ATP6V1C2: variants seen among roughly 807,000 people sequenced by gnomAD.
The protein encoded by ATP6V1C2 is ATPase H+ transporting V1 subunit C2, also known as V-type proton ATPase subunit C 2.
Under a neutral mutation model 56.8 loss-of-function variants are expected in ATP6V1C2, and 45 were observed. The observed-to-expected ratio is 0.79, with a 90% CI of 0.62 to 1.02. The LOEUF (loss-of-function observed/expected upper bound fraction) is 1.02. ATP6V1C2 is among the 50% of genes least tolerant of loss of function. The pLI is 0.00. For synonymous variants in ATP6V1C2, 220 were observed against 201.3 expected, an observed-to-expected ratio of 1.09 and a Z score of -0.79; for missense variants, 463 against 519.7, an observed-to-expected ratio of 0.89 and a Z score of 1.06.
At position 10,726,702 on chromosome 2, in the gene ATP6V1C2, G is replaced by A. The variant is rs117482977; in HGVS notation, c.197+133G>A. On this transcript the variant is annotated intron_variant, in intron 3 of 13. Coordinates refer to ENST00000272238, the MANE Select transcript of ATP6V1C2 (RefSeq NM_001039362.2). ...GTTCCAAAAGTGAGCAGAGAAAACCGATCAGTCCCCCTGCGGGTGCTGGGT... is the reference window on the plus strand; with the variant it reads ...GTTCCAAAAGTGAGCAGAGAAAACCAATCAGTCCCCCTGCGGGTGCTGGGT... 9.4e-4 allele frequency: 747 copies of A among 791,804 alleles called. 11 individuals are homozygous for A. The East Asian group carries it at 0.019, about 20-fold the overall frequency. 49.0% of individuals were successfully genotyped at this position (791,804 alleles called of 1,614,324 possible).
At chr2:10,735,009 C>T (rs926946981) in intron 3 of ATP6V1C2, among the ~76,000 whole-genome samples, 1 of 151,782 alleles carries the variant, frequency 6.6e-6, no homozygotes, top group Admixed American at 6.6e-5. Flanking sequence ...ACCCTGAGCC[C>T]GAGTGGTTGA....
intron 4 of ATP6V1C2, among the ~76,000 whole-genome samples, chr2:10,761,755 C>T (rs1304834717): frequency 1.3e-5 from 2 of 152,228 alleles, no homozygotes; most frequent in Non-Finnish European, 2.9e-5. Flanking sequence ...GCTGTCCCTT[C>T]TTATATGGCC....
upstream of ATP6V1C2, among the ~76,000 whole-genome samples, chr2:10,721,401 C>G (rs1410567376): frequency 3.3e-5 from 5 of 152,216 alleles, no homozygotes; most frequent in Non-Finnish European, 1.5e-5. Flanking sequence ...CAGGAGACCC[C>G]GTGGGACGCG....
intron 5 of ATP6V1C2, among the ~76,000 whole-genome samples, chr2:10,766,119 TG>T (rs1208894252): frequency 6.6e-6 from 1 of 152,154 alleles, no homozygotes; most frequent in Non-Finnish European, 1.5e-5. Flanking sequence ...ATGCAGGTCT[TG>T]GGGACCAGAG....
chr2:10,751,231 T>G (rs1663195782), intron 3 of ATP6V1C2, among the ~76,000 whole-genome samples: 1 of 151,900 alleles, frequency 6.6e-6, no homozygotes, highest in African/African-American at 2.4e-5. Context: ...GGAACCAGAC[T>G]CTCCCTCCTT....
At chr2:10,735,726 G>T (rs1345007981) in intron 3 of ATP6V1C2, among the ~76,000 whole-genome samples, 2 of 148,970 alleles carry the variant, frequency 1.3e-5, no homozygotes, top group Non-Finnish European at 2.9e-5. Flanking sequence ...ACAGGAGTGT[G>T]CCACTATGCC....
chr2:10,728,881 A>G (rs117143099), intron 3 of ATP6V1C2, among the ~76,000 whole-genome samples: 2,018 of 150,818 alleles, frequency 0.013, 52 homozygotes, highest in African/African-American at 0.045. Flanking sequence ...GCTCACACCT[A>G]TAATCTCAGG....
intron 12 of ATP6V1C2, among the ~76,000 whole-genome samples, chr2:10,779,464 T>C (rs1665213898): frequency 1.4e-5 from 2 of 138,458 alleles, no homozygotes; most frequent in Admixed American, 7.3e-5. Flanking sequence ...TATATATATA[T>C]GCCCTTGTCA....
chr2:10,773,003 A>G (rs1664728025), intron 8 of ATP6V1C2, among the ~76,000 whole-genome samples: 1 of 152,208 alleles, frequency 6.6e-6, no homozygotes, highest in Admixed American at 6.5e-5. Flanking sequence ...CGGGAGGGAA[A>G]GCGGCCTCAG....
intron 3 of ATP6V1C2, among the ~76,000 whole-genome samples, chr2:10,750,652 A>G (rs1663156655): frequency 6.6e-6 from 1 of 152,234 alleles, no homozygotes. Flanking sequence ...TAGGGGTGCC[A>G]GAATTCATTG....
chr2:10,756,351 C>A (rs1377752214), intron 4 of ATP6V1C2, among the ~76,000 whole-genome samples: 1 of 150,754 alleles, frequency 6.6e-6, no homozygotes, highest in Non-Finnish European at 1.5e-5. Flanking sequence ...CAGAGTGAGA[C>A]TCTGTCTCAA....
At chr2:10,737,639 A>T (rs759465656) in intron 3 of ATP6V1C2, among the ~76,000 whole-genome samples, 110 of 152,238 alleles carry the variant, frequency 7.2e-4, no homozygotes, top group Non-Finnish European at 1.3e-3. Flanking sequence ...TCATGTTTTT[A>T]TACTTTAGGC....
At chr2:10,750,947 T>C (rs148639343) in intron 3 of ATP6V1C2, among the ~76,000 whole-genome samples, 284 of 152,324 alleles carry the variant, frequency 1.9e-3, no homozygotes, top group African/African-American at 6.6e-3. Context: ...GCTTGGTACA[T>C]AGTAGTTGTT....
At chr2:10,772,273 G>A (rs34043289) in intron 7 of ATP6V1C2, among the ~76,000 whole-genome samples, 31,253 of 152,154 alleles carry the variant, frequency 0.21, 3,755 homozygotes, top group East Asian at 0.28. Flanking sequence ...CTTGTCCAAG[G>A]TCACACGGGG....
At chr2:10,777,773 A>T in intron 11 of ATP6V1C2, 51 bp downstream of exon 11, 1 of 1,560,500 alleles carries the variant, frequency 6.4e-7, no homozygotes, top group Admixed American at 2.1e-5. Flanking sequence ...TCTCCTCGCC[A>T]GCTCAGGCGC....
chr2:10,738,444 C>T lies in ATP6V1C2; in HGVS notation c.197+11875C>T, dbSNP rs141480261. 7.1e-4 allele frequency among the ~76,000 whole-genome samples: 108 copies of T among 152,220 alleles called. 1 individual carries two copies. Among genetic ancestry groups the T allele is most frequent in the African/African-American group, 2.2e-3 (91 of 41,556 alleles). ...CAACATGCGGGAGTAAGGGTCAGCT[C>T]GAGGCAATGTTGTGAAATCCCGAAA... On this transcript the variant is annotated intron_variant, in intron 3 of 13. Transcript: ENST00000272238.
At chr2:10,743,035 G>A (rs1312626487) in intron 3 of ATP6V1C2, among the ~76,000 whole-genome samples, 1 of 152,170 alleles carries the variant, frequency 6.6e-6, no homozygotes, top group Non-Finnish European at 1.5e-5. Flanking sequence ...GATGACTATC[G>A]AGGTAAGGGG....
chr2:10,742,098 C>T (rs1406000344), intron 3 of ATP6V1C2, among the ~76,000 whole-genome samples: 2 of 152,130 alleles, frequency 1.3e-5, no homozygotes, highest in Non-Finnish European at 2.9e-5. Context: ...TTAGTAGAGA[C>T]AGGGTTTGGC....
intron 3 of ATP6V1C2, among the ~76,000 whole-genome samples, chr2:10,736,801 C>CTTT (rs35166388): frequency 3.9e-5 from 4 of 102,644 alleles, no homozygotes; most frequent in Non-Finnish European, 8.5e-5. Context: ...AGATATTGTG[C>CTTT]TTTTTTTTTT....
Sources: allele counts gnomAD v4.1 joint callset (sites outside exome capture counted in the v4.1 genomes callset), GRCh38; gene constraint gnomAD v4.1.1; transcripts MANE v1.5; gene names NCBI Gene and HGNC (gene_info 2026-07-23, HGNC 2026-07-21).